MYO9A: variants seen among roughly 807,000 people sequenced by gnomAD.
MYO9A encodes the protein myosin IXA.
MYO9A carries 103 observed loss-of-function variants against 293.3 expected under a neutral mutation model. The ratio of observed to expected loss-of-function variants is 0.35; its 90% CI spans 0.30 to 0.41. The LOEUF is 0.41. MYO9A is among the 10% of genes least tolerant of loss of function. The probability of loss-of-function intolerance (pLI) is 1.00; values close to 1 mark genes in which losing one functional copy is unlikely to be tolerated. For missense variants in MYO9A, 2,685 were observed against 3,033.0 expected, an observed-to-expected ratio of 0.89 and a Z score of 2.69; for synonymous variants, 1,001 against 1,035.7, an observed-to-expected ratio of 0.97 and a Z score of 0.64.
intron 1 of MYO9A, among the ~76,000 whole-genome samples, chr15:72,074,691 C>A (rs1416777652): frequency 6.6e-6 from 1 of 152,008 alleles, no homozygotes; most frequent in Non-Finnish European, 1.5e-5. Context: ...AGATGATCTG[C>A]AGAGTAGAAA....
At chr15:71,916,215 T>A (rs769785330) in intron 19 of MYO9A, among the ~76,000 whole-genome samples, 155 bp downstream of exon 19, 1 of 152,050 alleles carries the variant, frequency 6.6e-6, no homozygotes, top group African/African-American at 2.4e-5. Context: ...TTTTTTTTCA[T>A]CTTTGGTTCT....
At chr15:71,876,663 C>T (rs1398174462) in intron 31 of MYO9A, among the ~76,000 whole-genome samples, 1 of 149,070 alleles carries the variant, frequency 6.7e-6, no homozygotes, top group Non-Finnish European at 1.5e-5. Flanking sequence ...CTCGATCTCC[C>T]GACCTTGTGA....
At chr15:71,864,044 C>T (rs895221754) in intron 32 of MYO9A, among the ~76,000 whole-genome samples, 6 of 152,092 alleles carry the variant, frequency 3.9e-5, no homozygotes, top group African/African-American at 1.2e-4. Context: ...ACCACAGACT[C>T]GGAGAAAACA....
intron 18 of MYO9A, 51 bp from the exon 19 acceptor site, chr15:71,916,543 G>C: frequency 6.4e-7 from 1 of 1,555,636 alleles, no homozygotes; most frequent in Non-Finnish European, 8.7e-7. Flanking sequence ...CTAACAATAA[G>C]CCAAAATTCT....
chr15:71,871,398 A>G (rs1232384484), intron 32 of MYO9A, among the ~76,000 whole-genome samples: 1 of 151,852 alleles, frequency 6.6e-6, no homozygotes, highest in Non-Finnish European at 1.5e-5. Flanking sequence ...AAGAAAATGT[A>G]CTGGAAAAAA....
intron 12 of MYO9A, among the ~76,000 whole-genome samples, chr15:71,975,425 G>GTGTGTGTA: frequency 6.6e-6 from 1 of 151,374 alleles, no homozygotes; most frequent in Non-Finnish European, 1.5e-5. Context: ...GTGTGTGTGT[G>GTGTGTGTA]TGTAGGTTTT....
At chr15:72,081,826 G>A (rs1478423586) in intron 1 of MYO9A, among the ~76,000 whole-genome samples, 1 of 152,140 alleles carries the variant, frequency 6.6e-6, no homozygotes, top group Admixed American at 6.5e-5. Context: ...GTTTTTGTCA[G>A]CTTTGTTGAA....
chr15:71,995,384 C>T (rs2148524152), intron 9 of MYO9A, among the ~76,000 whole-genome samples: 1 of 152,250 alleles, frequency 6.6e-6, no homozygotes, highest in East Asian at 1.9e-4. Context: ...TCTAGAATTA[C>T]TCCATCCTCA....
chr15:71,878,828 C>G (rs1031738303), intron 30 of MYO9A, among the ~76,000 whole-genome samples: 1 of 148,882 alleles, frequency 6.7e-6, no homozygotes, highest in East Asian at 2.0e-4. Context: ...CTCACTGCAA[C>G]CTCCACCTCA....
chr15:71,902,756 C>A (rs989042321), intron 22 of MYO9A, among the ~76,000 whole-genome samples, 185 bp downstream of exon 22: 15 of 152,148 alleles, frequency 9.9e-5, no homozygotes, highest in Non-Finnish European at 1.5e-4. Flanking sequence ...ATAGTCAGAA[C>A]TAGAGCACTG....
In MYO9A at chr15:71,844,831, G is replaced by C. The variant is rs901492785; in HGVS notation, c.6837+4014C>G. ...GAAGGAATGAATTGCATTGCCTTTA[G>C]TAAACCTGATGACTATTTAGAAAAA... On this transcript the variant is annotated intron_variant, in intron 39 of 41. Transcript: ENST00000356056. Among the ~76,000 whole-genome samples, 21 of 152,170 alleles carry C rather than the reference G, an allele frequency of 1.4e-4. 1 individual carries two copies. Among genetic ancestry groups the C allele is most frequent in the Admixed American group, 3.9e-4 (6 of 15,280 alleles).
At chr15:71,827,657 A>G (rs1486891842) in intron 41 of MYO9A, among the ~76,000 whole-genome samples, 1 of 152,074 alleles carries the variant, frequency 6.6e-6, no homozygotes, top group Non-Finnish European at 1.5e-5. Flanking sequence ...TAGCAAAGAC[A>G]ATTATATTTC....
chr15:71,994,405 GT>G, intron 10 of MYO9A, 63 bp downstream of exon 10: 1 of 988,204 alleles, frequency 1.0e-6, no homozygotes, highest in Non-Finnish European at 1.5e-6. Context: ...TAAATTTCAT[GT>G]ATTAACCAGT....
chr15:71,907,264 G>A (rs2057690298), intron 19 of MYO9A, among the ~76,000 whole-genome samples: 2 of 150,794 alleles, frequency 1.3e-5, no homozygotes, highest in African/African-American at 4.9e-5. Context: ...CCCTACAAAG[G>A]ACATGAACTC....
Position 71,903,935 on chromosome 15 carries a change from A to C in MYO9A, c.2871T>G (p.Ser957=). 1 of 1,613,434 alleles carries C rather than the reference A, an allele frequency of 6.2e-7. No homozygotes were observed. The highest frequency in any genetic ancestry group is 8.5e-7 in the Non-Finnish European group (1 of 1,179,606). The stretch of plus-strand genomic sequence containing the variant: ...ATCACTATAAAAACAGAACCTGGAA[A>C]GAATATTTGGAGCTGTATCCTGATT... ...IRQSGYSSKY[S]FQDFVSHFHV... is the part of the protein sequence containing the mutation. Residue 957 remains serine, a synonymous_variant, in exon 21 of 42, where the codon TCT becomes TCG. Coordinates refer to ENST00000356056, the MANE Select transcript of MYO9A (RefSeq NM_006901.4).
Position 72,116,076 on chromosome 15 carries a change from A to G in MYO9A, c.-72+1604T>C, listed in dbSNP as rs139050683. On this transcript the variant is annotated intron_variant, in intron 1 of 41. Coordinates refer to ENST00000356056, the MANE Select transcript of MYO9A (RefSeq NM_006901.4). ...CATTTGTGTACAGTGTCTTAAAAAT[A>G]TAAATGTGTAGGTTTATATATTGGA... 8.7e-4 allele frequency among the ~76,000 whole-genome samples: 132 copies of G among 152,350 alleles called. No individual in the cohort carries two copies. The East Asian group carries it at 0.025, about 29-fold the overall frequency.
intron 39 of MYO9A, among the ~76,000 whole-genome samples, chr15:71,834,765 TCAAAA>T (rs1475347142): frequency 6.6e-6 from 1 of 151,954 alleles, no homozygotes; most frequent in Non-Finnish European, 1.5e-5. Flanking sequence ...AGAGCCTGTC[TCAAAA>T]CAAACAAACA....
chr15:72,081,146 C>A (rs1218812701), intron 1 of MYO9A, among the ~76,000 whole-genome samples: 2 of 152,156 alleles, frequency 1.3e-5, no homozygotes, highest in East Asian at 3.9e-4. Context: ...CACCACACTG[C>A]TCTCTACAAT....
chr15:72,062,234 C>T (rs2078898383), intron 1 of MYO9A, among the ~76,000 whole-genome samples: 1 of 152,104 alleles, frequency 6.6e-6, no homozygotes, highest in East Asian at 1.9e-4. Flanking sequence ...TAAAGGAGGA[C>T]AGGTACAAAA....
Sources: allele counts gnomAD v4.1 joint callset (sites outside exome capture counted in the v4.1 genomes callset), GRCh38; gene constraint gnomAD v4.1.1; transcripts MANE v1.5; gene names NCBI Gene and HGNC (gene_info 2026-07-23, HGNC 2026-07-21).